The following ENOX1 variants were observed in gnomAD, a reference collection of about 807,000 sequenced individuals.
The protein encoded by ENOX1 is candidate growth-related and time keeping constitutive hydroquinone (NADH) oxidase.
A neutral mutation model predicts 82.5 loss-of-function variants in ENOX1; 42 were observed. The observed-to-expected ratio is 0.51, with a 90% CI of 0.40 to 0.66. The LOEUF is 0.66. Among genes scored for constraint, ENOX1 ranks in the 30% least tolerant of loss-of-function variants. The pLI, the probability that ENOX1 is intolerant of heterozygous loss-of-function variation, is 0.00. For missense variants in ENOX1, 608 were observed against 811.6 expected (o/e 0.75, Z 3.05); for synonymous variants, 271 against 282.2 (o/e 0.96, Z 0.40).
chr13:43,415,232 GTTTTTTTTTTTTT>G (rs71202260), intron 3 of ENOX1, among the ~76,000 whole-genome samples: 1 of 54,634 alleles, frequency 1.8e-5, no homozygotes, highest in African/African-American at 7.4e-5. Flanking sequence ...CCAATCCAAT[GTTTTTTTTTTTTT>G]TTTTTTTTTT....
chr13:43,523,065 A>G (rs1301848296), intron 2 of ENOX1, among the ~76,000 whole-genome samples: 3 of 152,162 alleles, frequency 2.0e-5, no homozygotes, highest in Non-Finnish European at 4.4e-5. Context: ...TTTCTTATGT[A>G]TAAAGTTCAA....
intron 5 of ENOX1, among the ~76,000 whole-genome samples, chr13:43,406,073 T>A (rs2053776680): frequency 1.3e-5 from 2 of 152,154 alleles, no homozygotes; most frequent in Non-Finnish European, 2.9e-5. Flanking sequence ...CTTGAGGAGA[T>A]GAAAGGATTT....
chr13:43,454,744 T>G (rs1476254280), intron 3 of ENOX1, among the ~76,000 whole-genome samples: 7 of 152,222 alleles, frequency 4.6e-5, no homozygotes, highest in Non-Finnish European at 7.3e-5. Flanking sequence ...ATCTTATTTT[T>G]CCTGGTGTTG....
intron 3 of ENOX1, among the ~76,000 whole-genome samples, chr13:43,431,068 T>C (rs912742024): frequency 6.6e-6 from 1 of 152,060 alleles, no homozygotes; most frequent in Non-Finnish European, 1.5e-5. Context: ...GTGTAGAAAA[T>C]AAGGAAATAG....
Position 43,590,775 on chromosome 13 carries a change from CA to C in ENOX1, c.-219+76703del, listed in dbSNP as rs35099290. Among the ~76,000 whole-genome samples, 15 of 130,636 alleles carry C rather than the reference CA, an allele frequency of 1.1e-4. No homozygotes were observed. The East Asian group carries it at 2.7e-3, about 23-fold the overall frequency. The allele number at this position is 130,636 out of a possible 152,430, so 85.7% of individuals were successfully genotyped here. ...TGGGCGAAAAAGTGAAACTTCATCT[CA>C]AAAAAAAAAAAAAACATTGAAAATG... On this transcript the variant is annotated intron_variant, in intron 2 of 16. Coordinates refer to ENST00000690772, the MANE Select transcript of ENOX1 (RefSeq NM_001347969.2).
intron 1 of ENOX1, among the ~76,000 whole-genome samples, chr13:43,738,250 A>G (rs1316599059): frequency 3.3e-5 from 5 of 152,298 alleles, no homozygotes; most frequent in African/African-American, 9.6e-5. Context: ...AGTATTTTAA[A>G]CATGTCTTTA....
intron 1 of ENOX1, among the ~76,000 whole-genome samples, chr13:43,696,451 T>G (rs1432864971): frequency 1.3e-5 from 2 of 152,228 alleles, no homozygotes; most frequent in African/African-American, 2.4e-5. Flanking sequence ...TTCTGGTTTT[T>G]GGGGGCTCAG....
At chr13:43,246,717 A>G (rs1294350500) in intron 14 of ENOX1, among the ~76,000 whole-genome samples, 1 of 152,088 alleles carries the variant, frequency 6.6e-6, no homozygotes. Flanking sequence ...AGCACTCCAA[A>G]AGACTGTGGT....
At chr13:43,491,093 G>A (rs757808938) in intron 2 of ENOX1, among the ~76,000 whole-genome samples, 1 of 152,112 alleles carries the variant, frequency 6.6e-6, no homozygotes, top group South Asian at 2.1e-4. Flanking sequence ...TGCTTCTGGC[G>A]CATCCTCAAG....
chr13:43,329,691 C>T (rs534260121), intron 9 of ENOX1, among the ~76,000 whole-genome samples: 15 of 152,166 alleles, frequency 9.9e-5, no homozygotes, highest in Non-Finnish European at 1.9e-4. Context: ...TACTTATGAA[C>T]TTATACACTT....
intron 2 of ENOX1, among the ~76,000 whole-genome samples, chr13:43,627,788 C>A (rs1250190786): frequency 6.6e-6 from 1 of 151,670 alleles, no homozygotes; most frequent in African/African-American, 2.4e-5. Flanking sequence ...AATCGCATTT[C>A]TAGGGCAGGT....
intron 9 of ENOX1, among the ~76,000 whole-genome samples, chr13:43,326,956 T>C (rs914139151): frequency 1.2e-4 from 18 of 152,130 alleles, no homozygotes; most frequent in African/African-American, 4.3e-4. Context: ...AACATATCAT[T>C]TTCTCTTTTG....
intron 6 of ENOX1, among the ~76,000 whole-genome samples, 195 bp from the exon 7 acceptor site, chr13:43,360,252 G>C (rs901656616): frequency 2.0e-5 from 3 of 152,016 alleles, no homozygotes; most frequent in Admixed American, 1.3e-4. Flanking sequence ...TTTACTTTCT[G>C]TGTTCATTGC....
At chr13:43,767,088 G>A (rs1951321445) in intron 1 of ENOX1, among the ~76,000 whole-genome samples, 1 of 152,150 alleles carries the variant, frequency 6.6e-6, no homozygotes, top group South Asian at 2.1e-4. Context: ...TTTAACACAT[G>A]AAGGATACGA....
At chr13:43,475,784 CAT>C (rs917612521) in intron 3 of ENOX1, among the ~76,000 whole-genome samples, 1 of 19,144 alleles carries the variant, frequency 5.2e-5, no homozygotes, top group African/African-American at 2.3e-4. Context: ...TATACAAAAA[CAT>C]AACTGACCAA....
intron 1 of ENOX1, among the ~76,000 whole-genome samples, chr13:43,726,429 C>T (rs2088962794): frequency 1.3e-5 from 2 of 152,056 alleles, no homozygotes; most frequent in Non-Finnish European, 2.9e-5. Flanking sequence ...GTTGACCAGG[C>T]TGGTCTCAAA....
At chr13:43,701,819 A>C (rs186011232) in intron 1 of ENOX1, among the ~76,000 whole-genome samples, 1 of 152,326 alleles carries the variant, frequency 6.6e-6, no homozygotes, top group African/African-American at 2.4e-5. Flanking sequence ...CCTTATACAG[A>C]CTACAGACCT....
chr13:43,709,991 G>A (rs2087580654), intron 1 of ENOX1, among the ~76,000 whole-genome samples: 1 of 152,192 alleles, frequency 6.6e-6, no homozygotes, highest in Middle Eastern at 3.4e-3. Context: ...AGAACAAGAG[G>A]ATAAGCTGCC....
chr13:43,458,803 C>A (rs1316244042), intron 3 of ENOX1: 1 of 152,112 alleles, frequency 6.6e-6, no homozygotes. Context: ...TCACACCTCC[C>A]CCTCCCCATT....
Sources: gnomAD v4.1 joint callset for allele counts (sites outside exome capture counted in the v4.1 genomes callset) on GRCh38, gnomAD v4.1.1 for gene constraint, MANE v1.5 for transcripts, NCBI Gene and HGNC (gene_info 2026-07-23, HGNC 2026-07-21) for gene names.